SLC25A26: variants seen among roughly 807,000 people sequenced by gnomAD.
The protein encoded by SLC25A26 is mitochondrial S-adenosylmethionine carrier protein.
Under a neutral mutation model 37.8 loss-of-function variants are expected in SLC25A26, and 36 were observed. The ratio of observed to expected loss-of-function variants is 0.95; its 90% CI spans 0.73 to 1.26. The LOEUF is 1.26. SLC25A26 is among the 50% of genes most tolerant of loss of function. SLC25A26 has a pLI of 0.00. For synonymous variants in SLC25A26, 129 were observed against 122.5 expected (o/e 1.05, Z -0.35); for missense variants, 390 against 331.1 (o/e 1.18, Z -1.38).
chr3:66,335,270 TATC>T (rs1231240034), intron 5 of SLC25A26, among the ~76,000 whole-genome samples: 1 of 152,234 alleles, frequency 6.6e-6, no homozygotes, highest in Non-Finnish European at 1.5e-5. Flanking sequence ...TGTTTTCTAT[TATC>T]ATAAATAAGA....
chr3:66,197,184 T>G (rs2071055626), intron 1 of SLC25A26, among the ~76,000 whole-genome samples: 1 of 152,170 alleles, frequency 6.6e-6, no homozygotes, highest in Non-Finnish European at 1.5e-5. Flanking sequence ...TTTTCAATAT[T>G]ACTTCTGTTT....
intron 2 of SLC25A26, among the ~76,000 whole-genome samples, 169 bp from the exon 3 acceptor site, chr3:66,243,034 G>A (rs972939393): frequency 1.1e-4 from 17 of 152,138 alleles, no homozygotes; most frequent in African/African-American, 2.9e-4. Flanking sequence ...ATACCATGGC[G>A]TCAGTAAACT....
At chr3:66,364,875 T>G (rs1461888644) in intron 7 of SLC25A26, among the ~76,000 whole-genome samples, 2 of 152,182 alleles carry the variant, frequency 1.3e-5, no homozygotes, top group African/African-American at 4.8e-5. Context: ...TTCTGATAAG[T>G]GAAGGAGTTT....
At chr3:66,330,742 G>A (rs2075955390) in intron 5 of SLC25A26, among the ~76,000 whole-genome samples, 1 of 151,888 alleles carries the variant, frequency 6.6e-6, no homozygotes, top group Admixed American at 6.6e-5. Flanking sequence ...AAAGTTAAAT[G>A]AATGCCATGA....
At chr3:66,362,458 A>G (rs1282974258) in intron 6 of SLC25A26, among the ~76,000 whole-genome samples, 1 of 152,262 alleles carries the variant, frequency 6.6e-6, no homozygotes, top group Non-Finnish European at 1.5e-5. Context: ...ATGATATAAC[A>G]TTCTGGGAAA....
intron 5 of SLC25A26, among the ~76,000 whole-genome samples, chr3:66,276,933 G>T (rs185293759): frequency 3.4e-5 from 5 of 147,714 alleles, no homozygotes. Flanking sequence ...GCATGAACTT[G>T]GAAGCTGCTT....
intron 5 of SLC25A26, among the ~76,000 whole-genome samples, chr3:66,337,931 T>A (rs1035420787): frequency 6.6e-6 from 1 of 152,084 alleles, no homozygotes; most frequent in African/African-American, 2.4e-5. Context: ...TATATTGAAA[T>A]GCACAAATTA....
chr3:66,210,946 A>G (rs990418371), intron 1 of SLC25A26, among the ~76,000 whole-genome samples: 5 of 152,344 alleles, frequency 3.3e-5, no homozygotes, highest in African/African-American at 1.2e-4. Flanking sequence ...ACATATGTCT[A>G]CTGAGAAATA....
intron 5 of SLC25A26, among the ~76,000 whole-genome samples, chr3:66,306,623 C>G (rs938679444): frequency 2.6e-5 from 4 of 152,094 alleles, no homozygotes; most frequent in Non-Finnish European, 5.9e-5. Flanking sequence ...GCCCCACATG[C>G]GTTAGGTATT....
At chr3:66,223,690 A>G (rs1398872508) in intron 1 of SLC25A26, among the ~76,000 whole-genome samples, 1 of 152,208 alleles carries the variant, frequency 6.6e-6, no homozygotes, top group African/African-American at 2.4e-5. Flanking sequence ...TAAATGAGGT[A>G]ACATTAAACA....
At chr3:66,169,988 T>G (rs1338593088) in intron 1 of SLC25A26, among the ~76,000 whole-genome samples, 1 of 152,146 alleles carries the variant, frequency 6.6e-6, no homozygotes, top group African/African-American at 2.4e-5. Context: ...GAGGCTGACT[T>G]GCTGCTAATC....
intron 6 of SLC25A26, 83 bp from the exon 7 acceptor site, chr3:66,362,777 C>A: frequency 2.3e-6 from 2 of 852,564 alleles, no homozygotes; most frequent in Admixed American, 3.4e-5. Context: ...CACTTAAGTT[C>A]CCATCCCCAG....
intron 1 of SLC25A26, among the ~76,000 whole-genome samples, chr3:66,160,363 C>A (rs2070340131): frequency 6.6e-6 from 1 of 152,170 alleles, no homozygotes; most frequent in African/African-American, 2.4e-5. Flanking sequence ...TTCACCACCA[C>A]TCCAAACAGC....
At chr3:66,220,863 G>A (rs1559583286), upstream of SLC25A26, 2 of 579,458 alleles carry the variant, frequency 3.5e-6, no homozygotes, top group East Asian at 3.2e-5. Flanking sequence ...ACCGAGGTAA[G>A]GGATTTGCCG....
chr3:66,164,036 T>G (rs896655259), intron 1 of SLC25A26, among the ~76,000 whole-genome samples: 2 of 152,162 alleles, frequency 1.3e-5, no homozygotes, highest in Non-Finnish European at 2.9e-5. Context: ...ATGTCAATAG[T>G]GTTGGGGTTG....
intron 5 of SLC25A26, among the ~76,000 whole-genome samples, chr3:66,312,094 C>A (rs759924744): frequency 7.2e-5 from 11 of 152,234 alleles, no homozygotes; most frequent in Non-Finnish European, 1.0e-4. Context: ...GTGCCCACAG[C>A]TGCCTGTTCC....
intron 5 of SLC25A26, among the ~76,000 whole-genome samples, chr3:66,329,772 A>G (rs184806275): frequency 1.3e-5 from 2 of 152,276 alleles, no homozygotes; most frequent in East Asian, 1.9e-4. Context: ...TTGCTCCATC[A>G]CTGTTACCTC....
At chr3:66,187,126 A>G (rs2070844103) in intron 1 of SLC25A26, among the ~76,000 whole-genome samples, 1 of 151,432 alleles carries the variant, frequency 6.6e-6, no homozygotes, top group African/African-American at 2.4e-5. Context: ...ATCCTCAACC[A>G]GATACTTTTC....
At position 66,208,885 on chromosome 3, in the gene SLC25A26, T is replaced by TATACACAC. The variant is rs1196757082; in HGVS notation, c.-353-11856_-353-11855insTACACACA. Among the ~76,000 whole-genome samples the TATACACAC allele has an allele frequency of 8.3e-3, 881 of 105,598 alleles. 35 individuals are homozygous for TATACACAC. Among genetic ancestry groups the TATACACAC allele is most frequent in the African/African-American group, 0.023 (709 of 30,898 alleles). The allele number at this position is 105,598 out of a possible 152,430, so 69.3% of individuals were successfully genotyped here. A position where few individuals can be genotyped will look rare whatever the true frequency, so the allele number is the denominator to read the frequency against. ...ATGGGTGTGTGTATATATATATATA[T>TATACACAC]ACACCTTTATATGGGTATATATATA... On this transcript the variant is annotated intron_variant, in intron 1 of 10. Transcript: ENST00000676754.
Sources: gnomAD v4.1 joint callset for allele counts (sites outside exome capture counted in the v4.1 genomes callset) on GRCh38, gnomAD v4.1.1 for gene constraint, MANE v1.5 for transcripts, NCBI Gene and HGNC (gene_info 2026-07-23, HGNC 2026-07-21) for gene names.